Variants in JAK1 observed in about 807,000 individuals in gnomAD.
The protein encoded by JAK1 is tyrosine-protein kinase JAK1.
In JAK1, 16 loss-of-function variants were observed where a neutral mutation model predicts 136.6. The ratio of observed to expected loss-of-function variants is 0.12; its 90% confidence interval spans 0.08 to 0.18. JAK1 has a LOEUF of 0.18. Among genes scored for constraint, JAK1 ranks in the 10% least tolerant of loss-of-function variants. The pLI is 1.00. For missense variants in JAK1, 859 were observed against 1,450.1 expected (o/e 0.59, Z 6.62); for synonymous variants, 492 against 519.5 (o/e 0.95, Z 0.72).
At chr1:64,861,065 A>G (rs1471504448) in intron 8 of JAK1, among the ~76,000 whole-genome samples, 1 of 151,734 alleles carries the variant, frequency 6.6e-6, no homozygotes, top group Admixed American at 6.6e-5. Context: ...GGAGAAGAGG[A>G]AGCCTGAATC....
At chr1:64,868,160 G>T (rs574660978) in intron 6 of JAK1, among the ~76,000 whole-genome samples, 4 of 152,120 alleles carry the variant, frequency 2.6e-5, no homozygotes, top group Non-Finnish European at 5.9e-5. Context: ...ACCTATCCAG[G>T]TGCTAGTGGG....
At chr1:64,986,674 C>T (rs1646602602) in intron 2 of JAK1, among the ~76,000 whole-genome samples, 1 of 152,104 alleles carries the variant, frequency 6.6e-6, no homozygotes, top group Admixed American at 6.5e-5. Flanking sequence ...AAGAAGATCA[C>T]TTGAGCCCAG....
At chr1:65,055,582 A>C (rs892097066) in intron 1 of JAK1, among the ~76,000 whole-genome samples, 1 of 152,162 alleles carries the variant, frequency 6.6e-6, no homozygotes, top group Non-Finnish European at 1.5e-5. Flanking sequence ...CACATACTTC[A>C]CCTAAACTGA....
At chr1:64,925,507 A>G (rs985633043) in intron 1 of JAK1, among the ~76,000 whole-genome samples, 2 of 152,282 alleles carry the variant, frequency 1.3e-5, no homozygotes, top group Non-Finnish European at 1.5e-5. Flanking sequence ...CTGATGTCCC[A>G]CAGAGCCTGG....
chr1:64,945,283 A>T (rs966403177), intron 1 of JAK1, among the ~76,000 whole-genome samples: 1 of 152,186 alleles, frequency 6.6e-6, no homozygotes, highest in Admixed American at 6.5e-5. Context: ...TACTAACCCC[A>T]TGGGGAGCAA....
At chr1:64,964,143 A>G (rs952399746) in intron 1 of JAK1, among the ~76,000 whole-genome samples, 4 of 152,240 alleles carry the variant, frequency 2.6e-5, no homozygotes, top group African/African-American at 9.6e-5. Flanking sequence ...TAATAAGCCA[A>G]TTCCCCATCC....
chr1:65,012,757 A>G (rs910265011), intron 2 of JAK1, among the ~76,000 whole-genome samples: 1 of 150,054 alleles, frequency 6.7e-6, no homozygotes, highest in Non-Finnish European at 1.5e-5. Context: ...GCACCATACC[A>G]CTGTACTCCA....
At position 64,843,998 on chromosome 1, in the gene JAK1, T is replaced by C. The variant is rs933021547; in HGVS notation, c.2403+66A>G. On this transcript the variant is annotated intron_variant, in intron 17 of 24. Coordinates refer to ENST00000342505, the MANE Select transcript of JAK1 (RefSeq NM_002227.4). ...CCCACAGTGCCAGGCTTCCGACAACTCCTGGGAAGCCCACGAGCACCTGAA... is the reference window on the plus strand; with the variant it reads ...CCCACAGTGCCAGGCTTCCGACAACCCCTGGGAAGCCCACGAGCACCTGAA... 6.3e-6 allele frequency: 10 copies of C among 1,590,282 alleles called. No homozygotes were observed. In the African/African-American group the frequency reaches 1.3e-4, roughly 21 times the overall value.
chr1:65,027,936 G>C (rs1364698428), intron 2 of JAK1, among the ~76,000 whole-genome samples: 2 of 152,132 alleles, frequency 1.3e-5, no homozygotes, highest in African/African-American at 4.8e-5. Context: ...AGTCTGCGTG[G>C]CACGCTGCCA....
At chr1:65,049,194 G>C (rs1365420926) in intron 1 of JAK1, among the ~76,000 whole-genome samples, 2 of 152,152 alleles carry the variant, frequency 1.3e-5, no homozygotes, top group East Asian at 3.9e-4. Context: ...GGCTGAGGCG[G>C]GAATATCTCC....
intron 2 of JAK1, among the ~76,000 whole-genome samples, chr1:65,044,434 G>A (rs527626571): frequency 6.6e-6 from 1 of 152,334 alleles, no homozygotes; most frequent in African/African-American, 2.4e-5. Flanking sequence ...GAAGTTGCAA[G>A]TTTTTCAAAT....
chr1:64,935,005 C>A (rs529017707), intron 1 of JAK1, among the ~76,000 whole-genome samples: 2 of 152,152 alleles, frequency 1.3e-5, no homozygotes, highest in Admixed American at 6.5e-5. Context: ...GAGGACCAAT[C>A]TATTTCTGGC....
chr1:64,836,012 A>G, intron 23 of JAK1, 86 bp downstream of exon 23: 1 of 755,710 alleles, frequency 1.3e-6, no homozygotes. Flanking sequence ...ATTGGATTCC[A>G]TTTAAAAACA....
chr1:65,043,094 T>C (rs1319754646), intron 2 of JAK1, among the ~76,000 whole-genome samples: 1 of 152,216 alleles, frequency 6.6e-6, no homozygotes, highest in African/African-American at 2.4e-5. Context: ...TGGAATCTAA[T>C]GTTTTTCACT....
At chr1:64,953,523 G>A (rs574242778) in intron 1 of JAK1, among the ~76,000 whole-genome samples, 1 of 152,192 alleles carries the variant, frequency 6.6e-6, no homozygotes, top group East Asian at 1.9e-4. Context: ...TAAAGCAACA[G>A]TAAATCTCGT....
intron 20 of JAK1, 108 bp from the exon 21 acceptor site, chr1:64,838,697 C>A (rs887784751): frequency 1.9e-6 from 2 of 1,073,798 alleles, no homozygotes; most frequent in South Asian, 1.5e-5. Context: ...GCCAGCTTCG[C>A]CCCTTCATTA....
intron 1 of JAK1, chr1:65,067,505 G>T (rs1242186051): frequency 6.8e-6 from 1 of 146,288 alleles, no homozygotes; most frequent in Non-Finnish European, 1.5e-5. Context: ...TGCGCCCCGA[G>T]CCTCGCGCGG....
chr1:64,949,781 A>G (rs1262110226), intron 1 of JAK1, among the ~76,000 whole-genome samples: 1 of 152,240 alleles, frequency 6.6e-6, no homozygotes, highest in Non-Finnish European at 1.5e-5. Flanking sequence ...AACCTTTGAC[A>G]CAGTAAATCT....
intron 2 of JAK1, among the ~76,000 whole-genome samples, chr1:65,017,186 C>A (rs1173299195): frequency 1.3e-5 from 2 of 152,092 alleles, no homozygotes; most frequent in African/African-American, 4.8e-5. Context: ...ATTAAATAGG[C>A]CAGGACTGGT....
Sources: gnomAD v4.1 joint callset for allele counts (sites outside exome capture counted in the v4.1 genomes callset) on GRCh38, gnomAD v4.1.1 for gene constraint, MANE v1.5 for transcripts, NCBI Gene and HGNC (gene_info 2026-07-23, HGNC 2026-07-21) for gene names.